The following CDH13 variants were observed in gnomAD, a reference collection of about 807,000 sequenced individuals.
CDH13 encodes the protein cadherin-13.
A neutral mutation model predicts 63.8 loss-of-function variants in CDH13; 24 were observed. That is an observed-to-expected ratio of 0.38 (90% CI 0.27 to 0.53). The LOEUF (loss-of-function observed/expected upper bound fraction) is 0.53, where lower values mean the gene tolerates loss of function less well. Ranked by LOEUF, CDH13 falls within the 20% of genes least tolerant of loss-of-function variation. The probability of loss-of-function intolerance (pLI) is 0.85; values close to 1 mark genes in which losing one functional copy is unlikely to be tolerated. For missense variants in CDH13, 1,049 were observed against 903.1 expected, an observed-to-expected ratio of 1.16 and a Z score of -2.07; for synonymous variants, 503 against 355.3, an observed-to-expected ratio of 1.42 and a Z score of -4.67.
chr16:82,949,266 G>T (rs756134013), intron 2 of CDH13, among the ~76,000 whole-genome samples: 5 of 152,180 alleles, frequency 3.3e-5, no homozygotes, highest in Non-Finnish European at 7.4e-5. Context: ...AGCCCCAGGT[G>T]TTCCTTGGCT....
intron 6 of CDH13, among the ~76,000 whole-genome samples, chr16:83,469,443 A>T (rs902520837): frequency 3.9e-5 from 6 of 152,208 alleles, no homozygotes; most frequent in Admixed American, 2.6e-4. Context: ...AGTCATTCAT[A>T]CAGGAAAAAC....
intron 2 of CDH13, among the ~76,000 whole-genome samples, chr16:82,989,459 T>C (rs567571832): frequency 6.6e-6 from 1 of 152,278 alleles, no homozygotes; most frequent in East Asian, 1.9e-4. Flanking sequence ...AATATCAGGA[T>C]CCTATAAACT....
At chr16:83,720,381 T>C (rs1460211518) in intron 10 of CDH13, among the ~76,000 whole-genome samples, 1 of 152,068 alleles carries the variant, frequency 6.6e-6, no homozygotes, top group African/African-American at 2.4e-5. Flanking sequence ...TTTTTGGAGT[T>C]CATCAATATT....
chr16:83,578,106 G>C (rs558423349), intron 7 of CDH13, among the ~76,000 whole-genome samples: 56 of 152,262 alleles, frequency 3.7e-4, no homozygotes, highest in African/African-American at 1.3e-3. Flanking sequence ...GCAATCTTCA[G>C]TGCTGCAAAG....
chr16:83,018,351 C>G (rs1320625290), intron 2 of CDH13, among the ~76,000 whole-genome samples: 1 of 152,142 alleles, frequency 6.6e-6, no homozygotes, highest in Non-Finnish European at 1.5e-5. Flanking sequence ...CCGTTTATCC[C>G]TTACTGCCTA....
chr16:83,060,356 A>T (rs547386526), intron 3 of CDH13, among the ~76,000 whole-genome samples: 2 of 152,196 alleles, frequency 1.3e-5, no homozygotes, highest in Non-Finnish European at 2.9e-5. Context: ...AAAATCCAGC[A>T]TTTTTGTATA....
chr16:83,679,759 T>C (rs1188958666), intron 10 of CDH13, among the ~76,000 whole-genome samples: 3 of 152,228 alleles, frequency 2.0e-5, no homozygotes, highest in Non-Finnish European at 4.4e-5. Flanking sequence ...GTAGGATGTC[T>C]CCAGGTGAGC....
At chr16:83,263,715 C>A (rs1400001129) in intron 5 of CDH13, among the ~76,000 whole-genome samples, 1 of 152,124 alleles carries the variant, frequency 6.6e-6, no homozygotes, top group Non-Finnish European at 1.5e-5. Flanking sequence ...GTTCTCAAAC[C>A]CCATGATGAA....
chr16:82,936,669 C>T lies in CDH13; in HGVS notation c.157+78196C>T, dbSNP rs146949522. On this transcript the variant is annotated intron_variant, in intron 2 of 13. Transcript: ENST00000567109. Reference sequence around the variant, plus strand: ...CCCGAGTGGTGATGCTACTTTAGATCGTAACGTTCATATTGAAACATTTGT... The same window carrying T: ...CCCGAGTGGTGATGCTACTTTAGATTGTAACGTTCATATTGAAACATTTGT... Among the ~76,000 whole-genome samples the T allele has an allele frequency of 3.9e-5, 6 of 152,246 alleles. No homozygotes were observed. The South Asian group carries it at 6.2e-4, about 16-fold the overall frequency.
intron 6 of CDH13, among the ~76,000 whole-genome samples, chr16:83,384,003 C>T (rs1380027265): frequency 6.6e-6 from 1 of 152,092 alleles, no homozygotes; most frequent in East Asian, 1.9e-4. Flanking sequence ...TGGGTGTACA[C>T]ATATATACAC....
intron 1 of CDH13, among the ~76,000 whole-genome samples, chr16:82,654,716 C>T (rs1911104096): frequency 6.7e-6 from 1 of 148,424 alleles, no homozygotes; most frequent in South Asian, 2.1e-4. Context: ...ATCAAAGGAA[C>T]CATGGATTTA....
In CDH13 at chr16:82,858,442, T is replaced by G; in HGVS notation, c.126T>G (p.Ala42=). 6.2e-7 allele frequency: 1 copy of G among 1,612,428 alleles called. No homozygotes were observed. Among genetic ancestry groups the G allele is most frequent in the East Asian group, 2.2e-5 (1 of 44,882 alleles). The change falls in exon 2 of 14, where the codon GCT becomes GCG. Residue 42 remains alanine (A), a synonymous_variant. Transcript: ENST00000567109. ...AAGTGTTCCATATCAATCAGCCAGC[T>G]GAATTCATTGAGGACCAGTCAATTC... is the stretch of plus-strand genomic sequence containing the variant. ...QQKVFHINQP[A]EFIEDQSILN...
At chr16:83,141,841 T>C (rs910006860) in intron 4 of CDH13, among the ~76,000 whole-genome samples, 6 of 152,232 alleles carry the variant, frequency 3.9e-5, no homozygotes, top group African/African-American at 1.4e-4. Context: ...GCAAAGGACA[T>C]GAATTCATTC....
intron 3 of CDH13, among the ~76,000 whole-genome samples, chr16:83,056,309 A>G (rs2030922625): frequency 6.6e-6 from 1 of 152,186 alleles, no homozygotes. Flanking sequence ...TCTATAACTA[A>G]AACAAATGTA....
intron 2 of CDH13, among the ~76,000 whole-genome samples, chr16:82,898,688 C>A (rs2041352406): frequency 6.6e-6 from 1 of 152,066 alleles, no homozygotes; most frequent in African/African-American, 2.4e-5. Context: ...TTCACCTGGG[C>A]CTTGATGAGA....
intron 3 of CDH13, among the ~76,000 whole-genome samples, chr16:83,108,078 C>T (rs1383107479): frequency 6.6e-6 from 1 of 152,176 alleles, no homozygotes; most frequent in Non-Finnish European, 1.5e-5. Flanking sequence ...ACCTTGGCCT[C>T]CCAAAGTGCT....
intron 8 of CDH13, among the ~76,000 whole-genome samples, chr16:83,602,943 T>C (rs1207831243): frequency 6.6e-6 from 1 of 152,222 alleles, no homozygotes; most frequent in Non-Finnish European, 1.5e-5. Flanking sequence ...TAACTATTTT[T>C]TTCCAGCAAG....
At chr16:82,996,438 C>G (rs1912212458) in intron 2 of CDH13, among the ~76,000 whole-genome samples, 1 of 152,080 alleles carries the variant, frequency 6.6e-6, no homozygotes, top group African/African-American at 2.4e-5. Flanking sequence ...CAGCCCAGGA[C>G]CCAGCATGGT....
intron 2 of CDH13, among the ~76,000 whole-genome samples, chr16:82,902,597 C>G (rs1053355997): frequency 2.0e-5 from 3 of 151,724 alleles, no homozygotes; most frequent in African/African-American, 7.3e-5. Flanking sequence ...CCCCACCCCT[C>G]TTTTCTCACG....
Sources: gnomAD v4.1 joint callset for allele counts (sites outside exome capture counted in the v4.1 genomes callset) on GRCh38, gnomAD v4.1.1 for gene constraint, MANE v1.5 for transcripts, NCBI Gene and HGNC (gene_info 2026-07-23, HGNC 2026-07-21) for gene names.